The following CXCR2 variants were observed in gnomAD, a reference collection of about 807,000 sequenced individuals.
CXCR2 encodes the protein C-X-C chemokine receptor type 2.
In CXCR2, 2 loss-of-function variants were observed where a neutral mutation model predicts 3.7. The observed-to-expected ratio is 0.55, with a 90% CI of 0.22 to 1.72. The LOEUF (loss-of-function observed/expected upper bound fraction) is 1.72. Ranked by LOEUF, CXCR2 falls within the 40% of genes most tolerant of loss-of-function variation. The pLI is 0.19. For missense variants in CXCR2, 351 were observed against 450.1 expected (o/e 0.78, Z 1.99); for synonymous variants, 203 against 193.3 (o/e 1.05, Z -0.41).
rs1318611556 is a variant in CXCR2 at position 218,135,146 on chromosome 2, C to A, written c.345C>A (p.Gly115=). The change falls in exon 3 of 3, where the codon GGC becomes GGA. Residue 115 remains glycine, a synonymous_variant. Transcript: ENST00000318507. This position sits in a 1 kb window ranked among gnomAD's most constrained non-coding sequence, Gnocchi z 4.0. The part of the protein sequence containing the change: ...AASKVNGWIF[G]TFLCKVVSLL... ...CCAAGGTGAATGGCTGGATTTTTGG[C>A]ACATTCCTGTGCAAGGTGGTCTCAC... 6.2e-7 allele frequency: 1 copy of A among 1,614,200 alleles called. No individual in the cohort carries two copies. Among genetic ancestry groups the A allele is most frequent in the African/African-American group, 1.3e-5 (1 of 75,040 alleles).
intron 2 of CXCR2, among the ~76,000 whole-genome samples, chr2:218,133,583 G>T (rs558097370): frequency 6.6e-6 from 1 of 152,194 alleles, no homozygotes; most frequent in African/African-American, 2.4e-5. Flanking sequence ...ACAGGTGTGA[G>T]CCACCACTGG....
At chr2:218,131,448 C>G (rs972927624) in intron 2 of CXCR2, among the ~76,000 whole-genome samples, 6 of 151,066 alleles carry the variant, frequency 4.0e-5, no homozygotes, top group Non-Finnish European at 5.9e-5. Context: ...TTACGTAAGA[C>G]ATACATAAAG....
intron 2 of CXCR2, among the ~76,000 whole-genome samples, chr2:218,131,786 G>A (rs780575700): frequency 6.6e-6 from 1 of 151,204 alleles, no homozygotes; most frequent in Non-Finnish European, 1.5e-5. Flanking sequence ...TTGTGATCTA[G>A]TATAGTACAT....
rs141096894 is a variant in CXCR2, at chr2:218,135,478, T to C, written c.677T>C (p.Ile226Thr). ...QSFGFIVPLL[I>T]MLFCYGFTLR... ...TTTGGCTTCATCGTGCCACTGCTGATCATGCTGTTCTGCTACGGATTCACC... is the reference window on the plus strand; with the variant it reads ...TTTGGCTTCATCGTGCCACTGCTGACCATGCTGTTCTGCTACGGATTCACC... Residue 226 changes from isoleucine (I) to threonine (T), a missense_variant, in exon 3 of 3, where the codon ATC (isoleucine) becomes ACC (threonine). Transcript: ENST00000318507. The surrounding 1 kb of genome is among the most constrained non-coding windows in gnomAD (Gnocchi z 4.0). 69 of 1,614,044 alleles carry C rather than the reference T, an allele frequency of 4.3e-5. No homozygotes were observed. The highest frequency in any genetic ancestry group is 5.6e-5 in the Non-Finnish European group (66 of 1,180,036).
intron 2 of CXCR2, among the ~76,000 whole-genome samples, chr2:218,133,347 T>A (rs1224017771): frequency 7.1e-6 from 1 of 139,888 alleles, no homozygotes; most frequent in Non-Finnish European, 1.5e-5. Context: ...TTGCCCAGGC[T>A]GGAGTGCAGT....
intron 2 of CXCR2, among the ~76,000 whole-genome samples, chr2:218,133,343 A>C: frequency 8.0e-6 from 1 of 124,678 alleles, no homozygotes; most frequent in African/African-American, 3.2e-5. Flanking sequence ...TCTGTTGCCC[A>C]GGCTGGAGTG....
In CXCR2 at chr2:218,135,806, C is replaced by T; in HGVS notation, c.1005C>T (p.Ile335=). The T allele has an allele frequency of 6.2e-7, 1 of 1,614,134 alleles. No individual in the cohort carries two copies. Among genetic ancestry groups the T allele is most frequent in the Non-Finnish European group, 8.5e-7 (1 of 1,180,002 alleles). The part of the protein sequence containing the change: ...LLKILAIHGL[I]SKDSLPKDSR... ...AGATTCTAGCTATACATGGCTTGATCAGCAAGGACTCCCTGCCCAAAGACA... is the reference window on the plus strand; with the variant it reads ...AGATTCTAGCTATACATGGCTTGATTAGCAAGGACTCCCTGCCCAAAGACA... The change falls in exon 3 of 3, where the codon ATC becomes ATT. Residue 335 remains isoleucine, a synonymous_variant. Transcript: ENST00000318507. This position sits in a 1 kb window ranked among gnomAD's most constrained non-coding sequence, Gnocchi z 4.0.
chr2:218,133,290 A>ATTT lies in CXCR2; in HGVS notation c.-25-1462_-25-1460dup, dbSNP rs60630461. ...TAGTTGACTGCTTTGAGAAACTGGG[A>ATTT]TTTTTTTTTTTTTTTTTTTTTTTTT... On this transcript the variant is annotated intron_variant, in intron 2 of 2. Coordinates refer to ENST00000318507, the MANE Select transcript of CXCR2 (RefSeq NM_001557.4). Among the ~76,000 whole-genome samples the ATTT allele has an allele frequency of 2.3e-4, 17 of 73,456 alleles. 1 individual carries two copies. The highest frequency in any genetic ancestry group is 8.6e-4 in the Admixed American group (5 of 5,824). 48.2% of individuals were successfully genotyped at this position (73,456 alleles called of 152,430 possible). A position where few individuals can be genotyped will look rare whatever the true frequency, so the allele number is the denominator to read the frequency against.
rs1178757717 is a variant in CXCR2, at chr2:218,135,384, G to T, written c.583G>T (p.Ala195Ser). 1 of 1,614,050 alleles carries T rather than the reference G, an allele frequency of 6.2e-7. No homozygotes were observed. Among genetic ancestry groups the T allele is most frequent in the Non-Finnish European group, 8.5e-7 (1 of 1,180,042 alleles). ...RTVYSSNVSP[A>S]CYEDMGNNTA... ...CGTCTACTCATCCAATGTTAGCCCAGCCTGCTATGAGGACATGGGCAACAA... is the reference window on the plus strand; with the variant it reads ...CGTCTACTCATCCAATGTTAGCCCATCCTGCTATGAGGACATGGGCAACAA... Residue 195 changes from alanine to serine, a missense_variant, in exon 3 of 3, where the codon GCC becomes TCC. Coordinates refer to ENST00000318507, the MANE Select transcript of CXCR2 (RefSeq NM_001557.4). This position sits in a 1 kb window ranked among gnomAD's most constrained non-coding sequence, Gnocchi z 4.0.
In CXCR2 at chr2:218,134,789, GT is replaced by G; in HGVS notation, c.-10del. The G allele has an allele frequency of 6.2e-7, 1 of 1,608,978 alleles. No individual in the cohort carries two copies. The highest frequency in any genetic ancestry group is 1.1e-5 in the South Asian group (1 of 90,720). ...CTCTCTTCTATAGGTCAGGATTTAA[GT>G]TTACCTCAAAAATGGAAGATTTTAA... On this transcript the variant is annotated 5_prime_UTR_variant, in exon 3 of 3. Transcript: ENST00000318507.
intron 2 of CXCR2, 39 bp downstream of exon 2, chr2:218,129,404 T>A (rs1265470199): frequency 6.6e-6 from 1 of 152,416 alleles, no homozygotes; most frequent in African/African-American, 2.4e-5. Context: ...CCAGCTAGAA[T>A]GTCTCTGTTC....
Position 218,135,158 on chromosome 2 carries a change from C to T in CXCR2, c.357C>T (p.Cys119=). The change falls in exon 3 of 3, where the codon TGC becomes TGT. Residue 119 remains cysteine (C), a synonymous_variant. Coordinates refer to ENST00000318507, the MANE Select transcript of CXCR2 (RefSeq NM_001557.4). The surrounding 1 kb of genome is among the most constrained non-coding windows in gnomAD (Gnocchi z 4.0). ...VNGWIFGTFL[C]KVVSLLKEVN... ...GCTGGATTTTTGGCACATTCCTGTG[C>T]AAGGTGGTCTCACTCCTGAAGGAAG... is the stretch of plus-strand genomic sequence containing the variant. The T allele has an allele frequency of 6.2e-7, 1 of 1,614,226 alleles. No homozygotes were observed. The highest frequency in any genetic ancestry group is 8.5e-7 in the Non-Finnish European group (1 of 1,180,050).
chr2:218,126,824 TTTTG>T (rs17844677), intron 1 of CXCR2, among the ~76,000 whole-genome samples: 11 of 150,416 alleles, frequency 7.3e-5, no homozygotes, highest in South Asian at 2.1e-4. Flanking sequence ...ATTTTTTGGG[TTTTG>T]TTTGTTTGTT....
chr2:218,133,609 T>A (rs1690704855), intron 2 of CXCR2, among the ~76,000 whole-genome samples: 1 of 152,288 alleles, frequency 6.6e-6, no homozygotes, highest in Admixed American at 6.5e-5. Context: ...TATTTTTGAA[T>A]AACTGCAGCC....
intron 2 of CXCR2, among the ~76,000 whole-genome samples, chr2:218,130,122 T>C (rs1416083120): frequency 1.3e-5 from 2 of 152,136 alleles, no homozygotes; most frequent in Non-Finnish European, 2.9e-5. Flanking sequence ...TTTAATGATA[T>C]CTCAAGAACT....
intron 1 of CXCR2, among the ~76,000 whole-genome samples, chr2:218,127,714 G>T (rs1690542467): frequency 6.6e-6 from 1 of 152,146 alleles, no homozygotes; most frequent in African/African-American, 2.4e-5. Flanking sequence ...TGTCACTCTA[G>T]GTATGTTGCT....
Position 218,127,525 on chromosome 2 carries a change from T to C in CXCR2, c.-78+1172T>C, listed in dbSNP as rs184941369. Among the ~76,000 whole-genome samples the C allele has an allele frequency of 1.5e-3, 235 of 152,284 alleles. 1 individual carries two copies. The highest frequency in any genetic ancestry group is 5.3e-3 in the African/African-American group (222 of 41,546). On this transcript the variant is annotated intron_variant, in intron 1 of 2. Transcript: ENST00000318507. The stretch of plus-strand genomic sequence containing the variant: ...ATGAAGAAGGAGGCTGACTGGGAAA[T>C]GTCAAATCTGGGCTCCCCTCTCTAC...
Position 218,135,368 on chromosome 2 carries a change from A to C in CXCR2, c.567A>C (p.Ser189=), listed in dbSNP as rs1232277723. The C allele has an allele frequency of 1.9e-6, 3 of 1,614,034 alleles. No homozygotes were observed. The African/African-American group carries it at 4.0e-5, about 22-fold the overall frequency. The change falls in exon 3 of 3, where the codon TCA becomes TCC. Residue 189 remains serine, a synonymous_variant. Coordinates refer to ENST00000318507, the MANE Select transcript of CXCR2 (RefSeq NM_001557.4). The surrounding 1 kb of genome is among the most constrained non-coding windows in gnomAD (Gnocchi z 4.0). Reference sequence around the variant, plus strand: ...TACTTTTCCGAAGGACCGTCTACTCATCCAATGTTAGCCCAGCCTGCTATG... The same window carrying C: ...TACTTTTCCGAAGGACCGTCTACTCCTCCAATGTTAGCCCAGCCTGCTATG... ...PVLLFRRTVY[S]SNVSPACYED...
rs896678237 is a variant in CXCR2 at position 218,135,415 on chromosome 2, C to G, written c.614C>G (p.Ala205Gly). Residue 205 changes from alanine (A) to glycine (G), a missense_variant, in exon 3 of 3, where the codon GCA (alanine) becomes GGA (glycine). Physicochemically the swap from Ala to Gly is moderately conservative, Grantham distance 60. Transcript: ENST00000318507. This position sits in a 1 kb window ranked among gnomAD's most constrained non-coding sequence, Gnocchi z 4.0. ...TATGAGGACATGGGCAACAATACAG[C>G]AAACTGGCGGATGCTGTTACGGATC... ...ACYEDMGNNT[A>G]NWRMLLRILP... 6 of 1,614,226 alleles carry G rather than the reference C, an allele frequency of 3.7e-6. No homozygotes were observed. Among genetic ancestry groups the G allele is most frequent in the Non-Finnish European group, 5.1e-6 (6 of 1,180,048 alleles).
Sources: allele counts gnomAD v4.1 joint callset (sites outside exome capture counted in the v4.1 genomes callset), GRCh38; gene constraint gnomAD v4.1.1; non-coding constraint Gnocchi (gnomAD v3.1); transcripts MANE v1.5; gene names NCBI Gene and HGNC (gene_info 2026-07-23, HGNC 2026-07-21).